Variants in POU2F1 observed in about 807,000 individuals in gnomAD.
POU2F1 encodes POU domain, class 2, transcription factor 1.
A neutral mutation model predicts 84.9 loss-of-function variants in POU2F1; 16 were observed. The observed-to-expected ratio is 0.19, with a 90% CI of 0.13 to 0.29. The LOEUF is 0.29. Among genes scored for constraint, POU2F1 ranks in the 10% least tolerant of loss-of-function variants. The pLI is 1.00. For synonymous variants in POU2F1, 368 were observed against 368.3 expected, an observed-to-expected ratio of 1.00 and a Z score of 0.01; for missense variants, 738 against 942.6, an observed-to-expected ratio of 0.78 and a Z score of 2.84.
intron 1 of POU2F1, among the ~76,000 whole-genome samples, chr1:167,316,683 A>G (rs191334430): frequency 6.9e-4 from 105 of 152,334 alleles, no homozygotes; most frequent in African/African-American, 2.4e-3. Context: ...TTGTGGTGTC[A>G]CACAGATTCT....
rs1001310950 is a variant in POU2F1 at position 167,421,286 on chromosome 1, A to G, written c.*5476A>G. 6.6e-6 allele frequency: 1 copy of G among 152,240 alleles called. No individual in the cohort carries two copies. The highest frequency in any genetic ancestry group is 2.4e-5 in the African/African-American group (1 of 41,462). 9.4% of individuals were successfully genotyped at this position (152,240 alleles called of 1,614,324 possible). A position where few individuals can be genotyped will look rare whatever the true frequency, so the allele number is the denominator to read the frequency against. ...GGATGGTGTCCACAATACAAATGTA[A>G]ACTTGGACAGGAATAGGATAAATAA... On this transcript the variant is annotated 3_prime_UTR_variant, in exon 16 of 16. Transcript: ENST00000367866.
At position 167,416,583 on chromosome 1, in the gene POU2F1, T is replaced by A. The variant is rs1398661529; in HGVS notation, c.*773T>A. The A allele has an allele frequency of 6.5e-6, 1 of 152,992 alleles. No homozygotes were observed. Among genetic ancestry groups the A allele is most frequent in the Non-Finnish European group, 1.5e-5 (1 of 68,702 alleles). The allele number at this position is 152,992 out of a possible 1,614,324, so 9.5% of individuals were successfully genotyped here. On this transcript the variant is annotated 3_prime_UTR_variant, in exon 16 of 16. Coordinates refer to ENST00000367866, the MANE Select transcript of POU2F1 (RefSeq NM_002697.4). ...GACTCTTACAGAGGTGCTAGAAAAT[T>A]ATTTTCTTTTGCCACTTATGCAAGA...
In POU2F1 at chr1:167,220,922, C is replaced by G. The variant is rs1648058364; in HGVS notation, c.25C>G (p.Gln9Glu). 3 of 1,535,074 alleles carry G rather than the reference C, an allele frequency of 2.0e-6. No homozygotes were observed. The highest frequency in any genetic ancestry group is 1.8e-4 in the Middle Eastern group (1 of 5,524). The change falls in exon 1 of 16, where the codon CAA (glutamine) becomes GAA (glutamate). Residue 9 changes from glutamine to glutamate, a missense_variant. This residue lies in a region of POU2F1 where 161 missense variants were observed against 147.0 expected (regional missense o/e 1.10). Transcript: ENST00000367866. MADGGAAS[Q>E]DESSAAAAAA... is the part of the protein sequence containing the mutation. ...AATGGCGGACGGAGGAGCAGCGAGTCAAGATGAGAGTTCAGCCGCGGCGGC... is the reference window on the plus strand; with the variant it reads ...AATGGCGGACGGAGGAGCAGCGAGTGAAGATGAGAGTTCAGCCGCGGCGGC...
intron 1 of POU2F1, among the ~76,000 whole-genome samples, chr1:167,275,745 G>A (rs186623727): frequency 2.6e-5 from 4 of 152,156 alleles, no homozygotes; most frequent in Admixed American, 6.5e-5. Flanking sequence ...AAAAGATGGG[G>A]TAAGAATAAT....
At chr1:167,339,762 T>C (rs1351046367) in intron 2 of POU2F1, among the ~76,000 whole-genome samples, 1 of 152,232 alleles carries the variant, frequency 6.6e-6, no homozygotes, top group Non-Finnish European at 1.5e-5. Context: ...CTGAAAGTCA[T>C]TGTCACATTT....
At chr1:167,370,105 C>T in intron 3 of POU2F1, 56 bp from the exon 4 acceptor site, 1 of 1,424,622 alleles carries the variant, frequency 7.0e-7, no homozygotes, top group East Asian at 2.3e-5. Context: ...GTGATGACAA[C>T]CCCTTGTGAT....
At chr1:167,360,477 G>C (rs994588388) in intron 2 of POU2F1, among the ~76,000 whole-genome samples, 4 of 152,084 alleles carry the variant, frequency 2.6e-5, no homozygotes, top group Non-Finnish European at 5.9e-5. Flanking sequence ...TATTTTTCTT[G>C]ACTGTGTCAA....
chr1:167,396,312 A>G lies in POU2F1; in HGVS notation c.1014A>G (p.Lys338=), dbSNP rs929669528. 6.2e-7 allele frequency: 1 copy of G among 1,614,118 alleles called. No homozygotes were observed. The change falls in exon 10 of 16, where the codon AAA becomes AAG. Residue 338 remains lysine, a synonymous_variant. Coordinates refer to ENST00000367866, the MANE Select transcript of POU2F1 (RefSeq NM_002697.4). ...TQGDVGLAMG[K]LYGNDFSQTT... ...GTGATGTTGGGCTCGCTATGGGGAA[A>G]CTATATGGAAATGACTTCAGCCAAA...
At chr1:167,389,406 T>C (rs957600076) in intron 8 of POU2F1, among the ~76,000 whole-genome samples, 182 bp from the exon 9 acceptor site, 13 of 152,234 alleles carry the variant, frequency 8.5e-5, no homozygotes, top group Non-Finnish European at 1.5e-5. Flanking sequence ...TTACTTGTAA[T>C]TACAGTATAC....
At chr1:167,376,294 G>T (rs779197589) in intron 7 of POU2F1, 139 bp downstream of exon 7, 14 of 1,118,482 alleles carry the variant, frequency 1.3e-5, no homozygotes, top group Admixed American at 3.9e-5. Context: ...ATAAACTTTC[G>T]TTTAAAAAAA....
At position 167,417,961 on chromosome 1, in the gene POU2F1, C is replaced by T. The variant is rs981746134; in HGVS notation, c.*2151C>T. 1.3e-5 allele frequency: 2 copies of T among 152,200 alleles called. No homozygotes were observed. The highest frequency in any genetic ancestry group is 1.9e-4 in the East Asian group (1 of 5,202). The allele number at this position is 152,200 out of a possible 1,614,324, so 9.4% of individuals were successfully genotyped here. ...ACCACCCCTAAATTTCCTCCTCTTA[C>T]CCTTCACCTTCCCTAAAATCCTTCC... On this transcript the variant is annotated 3_prime_UTR_variant, in exon 16 of 16. Transcript: ENST00000367866.
chr1:167,281,917 A>G (rs548783348), intron 1 of POU2F1, among the ~76,000 whole-genome samples: 1 of 152,156 alleles, frequency 6.6e-6, no homozygotes, highest in South Asian at 2.1e-4. Context: ...TCCTCTACTC[A>G]TATTTTCCTG....
In POU2F1 at chr1:167,383,862, C is replaced by T. The variant is rs34958084; in HGVS notation, c.724C>T (p.Leu242=). 2,057 of 1,613,190 alleles carry T rather than the reference C, an allele frequency of 1.3e-3. 24 individuals carry two copies. The African/African-American group carries it at 0.025, about 19-fold the overall frequency. ...AACATGTTTTTCTTCTACAGGTCTC[C>T]TGCAAGCGCAAAATCTTCTAACGCA... is the stretch of plus-strand genomic sequence containing the variant. ...SQTPQGQQGL[L]QAQNLLTQLP... The change falls in exon 8 of 16, where the codon CTG becomes TTG. Residue 242 remains leucine, a synonymous_variant. Coordinates refer to ENST00000367866, the MANE Select transcript of POU2F1 (RefSeq NM_002697.4).
intron 13 of POU2F1, among the ~76,000 whole-genome samples, chr1:167,401,914 T>C (rs3767434): frequency 0.14 from 21,857 of 152,284 alleles, 1,901 homozygotes; most frequent in Non-Finnish European, 0.2. Context: ...GATCTGTTAC[T>C]GATAAAACTA....
chr1:167,224,553 C>T (rs1648479152), intron 1 of POU2F1, among the ~76,000 whole-genome samples: 2 of 152,160 alleles, frequency 1.3e-5, no homozygotes, highest in African/African-American at 4.8e-5. Flanking sequence ...TCCATTGCAA[C>T]AGTGATTGCA....
At chr1:167,251,848 C>CTT (rs751900342) in intron 1 of POU2F1, among the ~76,000 whole-genome samples, 2 of 141,064 alleles carry the variant, frequency 1.4e-5, no homozygotes, top group African/African-American at 5.2e-5. Flanking sequence ...TTCGTTATAT[C>CTT]TTTTTTTTTT....
chr1:167,280,639 G>A (rs1234191450), intron 1 of POU2F1, among the ~76,000 whole-genome samples: 1 of 152,084 alleles, frequency 6.6e-6, no homozygotes, highest in Admixed American at 6.5e-5. Flanking sequence ...GTTTTGAAAT[G>A]ATTTTGATTT....
intron 1 of POU2F1, among the ~76,000 whole-genome samples, chr1:167,317,535 A>G (rs1034937274): frequency 6.6e-6 from 1 of 152,262 alleles, no homozygotes; most frequent in Non-Finnish European, 1.5e-5. Flanking sequence ...CAAGCCAGTA[A>G]TAAGCCTTGT....
intron 1 of POU2F1, among the ~76,000 whole-genome samples, chr1:167,281,580 T>C (rs926800167): frequency 6.6e-6 from 1 of 152,142 alleles, no homozygotes; most frequent in African/African-American, 2.4e-5. Flanking sequence ...CAGAAACAGC[T>C]GGATTGGTTA....
Sources: allele counts gnomAD v4.1 joint callset (sites outside exome capture counted in the v4.1 genomes callset), GRCh38; gene constraint gnomAD v4.1.1; regional missense constraint gnomAD v4.1.1; transcripts MANE v1.5; gene names NCBI Gene and HGNC (gene_info 2026-07-23, HGNC 2026-07-21).